Variants in TNKS observed in about 807,000 individuals in gnomAD.
The protein encoded by TNKS is tankyrase.
TNKS carries 72 observed loss-of-function variants against 135.8 expected under a neutral mutation model. The observed-to-expected ratio is 0.53, with a 90% CI of 0.44 to 0.64. The LOEUF is 0.64. Ranked by LOEUF, TNKS falls within the 30% of genes least tolerant of loss-of-function variation. TNKS has a pLI of 0.00. For synonymous variants in TNKS, 849 were observed against 649.3 expected (o/e 1.31, Z -4.68); for missense variants, 1,769 against 1,674.0 (o/e 1.06, Z -0.99).
At chr8:9,610,126 A>G (rs4576424) in intron 2 of TNKS, among the ~76,000 whole-genome samples, 43,662 of 151,850 alleles carry the variant, frequency 0.29, 6,554 homozygotes, top group East Asian at 0.38. Flanking sequence ...CAAAGTGCTG[A>G]GATTACAGAC....
chr8:9,627,703 G>C (rs1047057735), intron 3 of TNKS, among the ~76,000 whole-genome samples: 7 of 152,022 alleles, frequency 4.6e-5, no homozygotes, highest in African/African-American at 1.7e-4. Flanking sequence ...CTCACTGTTT[G>C]GCCTATTTTG....
rs916322451 is a variant in TNKS, at chr8:9,646,806, G to A, written c.994+31129G>A. 9.9e-5 allele frequency among the ~76,000 whole-genome samples: 15 copies of A among 152,080 alleles called. No homozygotes were observed. The South Asian group carries it at 1.7e-3, about 17-fold the overall frequency. ...GGTGCTTTGTTAGGTCTCTTTCCCC[G>A]TTAGTCCTAATTTTATCCTTTGGGG... is the stretch of plus-strand genomic sequence containing the variant. On this transcript the variant is annotated intron_variant, in intron 3 of 26. Transcript: ENST00000310430.
intron 2 of TNKS, among the ~76,000 whole-genome samples, chr8:9,593,108 G>T (rs891155793): frequency 6.6e-6 from 1 of 152,180 alleles, no homozygotes; most frequent in Non-Finnish European, 1.5e-5. Flanking sequence ...GAGCTGAGGA[G>T]TTGAGGTAGG....
At chr8:9,724,166 C>T (rs142530557) in intron 12 of TNKS, among the ~76,000 whole-genome samples, 1 of 152,288 alleles carries the variant, frequency 6.6e-6, no homozygotes, top group Non-Finnish European at 1.5e-5. Context: ...TCATGTTCTA[C>T]AGGCTGAGTG....
chr8:9,653,158 A>C (rs1801207023), intron 3 of TNKS, among the ~76,000 whole-genome samples: 1 of 152,202 alleles, frequency 6.6e-6, no homozygotes, highest in Admixed American at 6.5e-5. Flanking sequence ...GGGAGAAAGA[A>C]ATTAAAAGGA....
chr8:9,763,338 G>A, intron 22 of TNKS, 94 bp downstream of exon 22: 2 of 730,800 alleles, frequency 2.7e-6, no homozygotes, highest in Non-Finnish European at 4.3e-6. Flanking sequence ...TTGCCTTGCG[G>A]TCACATGCCT....
chr8:9,584,141 G>A (rs1798279295), intron 2 of TNKS, among the ~76,000 whole-genome samples: 1 of 147,718 alleles, frequency 6.8e-6, no homozygotes, highest in Non-Finnish European at 1.5e-5. Flanking sequence ...TCCAGTCTGG[G>A]TGACAGAGCA....
chr8:9,573,023 A>T (rs1797815971), intron 1 of TNKS, among the ~76,000 whole-genome samples: 1 of 141,964 alleles, frequency 7.0e-6, no homozygotes. Context: ...AGTAATATTT[A>T]TGTTATATGT....
intron 17 of TNKS, 39 bp from the exon 18 acceptor site, chr8:9,747,985 C>A: frequency 6.4e-7 from 1 of 1,550,576 alleles, no homozygotes; most frequent in South Asian, 1.2e-5. Context: ...ACCAGATGAT[C>A]TCATTCTTAA....
chr8:9,655,844 C>G (rs113746702), intron 3 of TNKS, among the ~76,000 whole-genome samples: 1 of 152,090 alleles, frequency 6.6e-6, no homozygotes, highest in Non-Finnish European at 1.5e-5. Context: ...GCCTCTCGTC[C>G]TCCAAAGGAA....
At chr8:9,689,540 T>G (rs1316057080) in intron 5 of TNKS, among the ~76,000 whole-genome samples, 1 of 152,168 alleles carries the variant, frequency 6.6e-6, no homozygotes, top group African/African-American at 2.4e-5. Flanking sequence ...ATACCCTACT[T>G]TTGAATATTA....
At chr8:9,583,634 G>A (rs779338155) in intron 2 of TNKS, among the ~76,000 whole-genome samples, 5 of 151,736 alleles carry the variant, frequency 3.3e-5, no homozygotes, top group East Asian at 2.0e-4. Flanking sequence ...GACTGCAGGC[G>A]CATGCCACCA....
chr8:9,570,474 A>T (rs1797715281), intron 1 of TNKS, among the ~76,000 whole-genome samples: 1 of 152,178 alleles, frequency 6.6e-6, no homozygotes, highest in Non-Finnish European at 1.5e-5. Context: ...GGCGTGGTGG[A>T]CAGAATTACC....
intron 2 of TNKS, among the ~76,000 whole-genome samples, chr8:9,600,430 C>T (rs1398564558): frequency 6.6e-6 from 1 of 152,108 alleles, no homozygotes; most frequent in Non-Finnish European, 1.5e-5. Context: ...CCTCCCACTT[C>T]AGCTTCCCAA....
chr8:9,626,647 G>A (rs566312472), intron 3 of TNKS, among the ~76,000 whole-genome samples: 2 of 152,126 alleles, frequency 1.3e-5, no homozygotes, highest in East Asian at 1.9e-4. Flanking sequence ...TTAATTTGAC[G>A]CACTCATGCA....
At chr8:9,556,666 G>A (rs1815326175) in intron 1 of TNKS, 54 bp downstream of exon 1, 1 of 1,600,636 alleles carries the variant, frequency 6.2e-7, no homozygotes, top group African/African-American at 1.3e-5. Context: ...TGCAGGGTCC[G>A]GTTAGGACAA....
chr8:9,615,270 C>G (rs545309589), intron 2 of TNKS: 36 of 202,430 alleles, frequency 1.8e-4, no homozygotes, highest in African/African-American at 8.0e-4. Flanking sequence ...ACAGTGTGAG[C>G]CAGCGAGCAC....
chr8:9,637,730 T>C (rs1270625830), intron 3 of TNKS, among the ~76,000 whole-genome samples: 2 of 152,162 alleles, frequency 1.3e-5, no homozygotes, highest in African/African-American at 4.8e-5. Flanking sequence ...TTGCTTATAC[T>C]CTTTGTAAAA....
At position 9,556,486 on chromosome 8, in the gene TNKS, C is replaced by G. The variant is rs770926977; in HGVS notation, c.547C>G (p.Leu183Val). The part of the protein sequence containing the change: ...GTGVPAVSGA[L>V]RELLEACRNG... ...AGGGGTCCCAGCAGTGAGCGGGGCC[C>G]TACGGGAACTGCTGGAGGCCTGTCG... Residue 183 changes from leucine (L) to valine (V), a missense_variant, in exon 1 of 27, where the codon CTA becomes GTA. By Grantham distance (32) the Leu-to-Val change is conservative (BLOSUM62 1). Around this residue, in one of 5 missense-constraint regions of TNKS, gnomAD observed 450 missense variants for 304.9 expected, o/e 1.48. Transcript: ENST00000310430. 6.2e-7 allele frequency: 1 copy of G among 1,614,148 alleles called. No individual in the cohort carries two copies. Among genetic ancestry groups the G allele is most frequent in the Non-Finnish European group, 8.5e-7 (1 of 1,180,040 alleles).
Sources: allele counts gnomAD v4.1 joint callset (sites outside exome capture counted in the v4.1 genomes callset), GRCh38; gene constraint gnomAD v4.1.1; regional missense constraint gnomAD v4.1.1; transcripts MANE v1.5; gene names NCBI Gene and HGNC (gene_info 2026-07-23, HGNC 2026-07-21).